The following CUL7 variants were observed in gnomAD, a reference collection of about 807,000 sequenced individuals.
CUL7 encodes cullin-7.
In CUL7, 96 loss-of-function variants were observed where a neutral mutation model predicts 177.7. That is an observed-to-expected ratio of 0.54 (90% CI 0.46 to 0.64). The LOEUF is 0.64. Ranked by LOEUF, CUL7 falls within the 30% of genes least tolerant of loss-of-function variation. The pLI is 0.00. For synonymous variants in CUL7, 824 were observed against 890.2 expected, an observed-to-expected ratio of 0.93 and a Z score of 1.32; for missense variants, 1,893 against 2,187.9, an observed-to-expected ratio of 0.87 and a Z score of 2.69.
intron 10 of CUL7, 67 bp from the exon 11 acceptor site, chr6:43,046,668 A>G (rs769645656): frequency 2.3e-5 from 37 of 1,601,188 alleles, no homozygotes; most frequent in Non-Finnish European, 3.2e-5. Context: ...ACACGGAAAC[A>G]CGGATGAAGG....
At position 43,040,084 on chromosome 6, in the gene CUL7, C is replaced by T; in HGVS notation, c.4294+72G>A. 1 of 1,572,778 alleles carries T rather than the reference C, an allele frequency of 6.4e-7. No homozygotes were observed. Among genetic ancestry groups the T allele is most frequent in the Non-Finnish European group, 8.7e-7 (1 of 1,143,152 alleles). Reference sequence around the variant, plus strand: ...TCAAGCCTCCCAACATCAGGGTCTGCCCCCAACCCCAGGTCCTTTCCTAGC... The same window carrying T: ...TCAAGCCTCCCAACATCAGGGTCTGTCCCCAACCCCAGGTCCTTTCCTAGC... On this transcript the variant is annotated intron_variant, in intron 22 of 25. Coordinates refer to ENST00000265348, the MANE Select transcript of CUL7 (RefSeq NM_014780.5). The surrounding 1 kb of genome is among the most constrained non-coding windows in gnomAD (Gnocchi z 4.2).
At position 43,043,019 on chromosome 6, in the gene CUL7, C is replaced by G; in HGVS notation, c.3463-35G>C. The G allele has an allele frequency of 6.2e-7, 1 of 1,613,526 alleles. No homozygotes were observed. On this transcript the variant is annotated intron_variant, in intron 18 of 25. Transcript: ENST00000265348. This position sits in a 1 kb window ranked among gnomAD's most constrained non-coding sequence, Gnocchi z 4.2. Reference sequence around the variant, plus strand: ...AGGGGCAGGAGCATGAAGACACAACCCAACATGCCACCATTATGGTGTCCC... The same window carrying G: ...AGGGGCAGGAGCATGAAGACACAACGCAACATGCCACCATTATGGTGTCCC...
At position 43,049,472 on chromosome 6, in the gene CUL7, T is replaced by C. The variant is rs1409458980; in HGVS notation, c.1760A>G (p.Glu587Gly). 1.2e-6 allele frequency: 2 copies of C among 1,614,232 alleles called. No individual in the cohort carries two copies. Among genetic ancestry groups the C allele is most frequent in the Non-Finnish European group, 1.7e-6 (2 of 1,180,050 alleles). Residue 587 changes from glutamate to glycine, a missense_variant, in exon 7 of 26, where the codon GAA becomes GGA. By Grantham distance (98) the Glu-to-Gly change is moderately conservative. This residue lies in a region of CUL7 where 973 missense variants were observed against 1,140.9 expected (regional missense o/e 0.85). Transcript: ENST00000265348. ...CTGCGCGTCTAGCAGGAGGACATCTTCTTGGGCTTCTAGAAGGGATGGGTA... is the reference window on the plus strand; with the variant it reads ...CTGCGCGTCTAGCAGGAGGACATCTCCTTGGGCTTCTAGAAGGGATGGGTA... ...QAYPSLLEAQEDVLLLDAQAQ... is the reference protein window; with the variant it reads ...QAYPSLLEAQGDVLLLDAQAQ...
rs1277569620 is a variant in CUL7, at chr6:43,052,504, A to G, written c.285T>C (p.Ser95=). 1.2e-6 allele frequency: 2 copies of G among 1,614,202 alleles called. No homozygotes were observed. Among genetic ancestry groups the G allele is most frequent in the Non-Finnish European group, 1.7e-6 (2 of 1,180,034 alleles). The part of the protein sequence containing the change: ...DGQVIGPSQE[S]AGEVGALDKS... Reference sequence around the variant, plus strand: ...TGTCCAGGGCCCCAACCTCCCCTGCAGACTCCTGGGAGGGCCCGATGACCT... The same window carrying G: ...TGTCCAGGGCCCCAACCTCCCCTGCGGACTCCTGGGAGGGCCCGATGACCT... The change falls in exon 2 of 26, where the codon TCT becomes TCC. Residue 95 remains serine, a synonymous_variant. Coordinates refer to ENST00000265348, the MANE Select transcript of CUL7 (RefSeq NM_014780.5). This position sits in a 1 kb window ranked among gnomAD's most constrained non-coding sequence, Gnocchi z 4.5.
rs1214330020 is a variant in CUL7 at position 43,053,726 on chromosome 6, G to A, written c.-113C>T. The A allele has an allele frequency of 9.6e-6, 14 of 1,456,948 alleles. No individual in the cohort carries two copies. The highest frequency in any genetic ancestry group is 2.9e-5 in the African/African-American group (2 of 68,342). The allele number at this position is 1,456,948 out of a possible 1,614,324, so 90.3% of individuals were successfully genotyped here. ...TGGGCCCCACCTGGGCCCCGCGAGG[G>A]GGTCGAGACGGAGAGACGGGAGGGG... On this transcript the variant is annotated 5_prime_UTR_variant, in exon 1 of 26. Transcript: ENST00000265348. This position sits in a 1 kb window ranked among gnomAD's most constrained non-coding sequence, Gnocchi z 4.1.
intron 9 of CUL7, 67 bp downstream of exon 9, chr6:43,048,081 G>C (rs540924516): frequency 4.1e-6 from 4 of 985,464 alleles, no homozygotes; most frequent in Admixed American, 2.0e-5. Context: ...TTGCCCAGCA[G>C]GTGTGCCTTG....
Position 43,051,223 on chromosome 6 carries a change from G to C in CUL7, c.978C>G (p.Ser326=). The C allele has an allele frequency of 6.2e-7, 1 of 1,614,140 alleles. No homozygotes were observed. The highest frequency in any genetic ancestry group is 8.5e-7 in the Non-Finnish European group (1 of 1,180,024). ...GCTGAGGCTGGAAGATGGAACCGGG[G>C]GACCGTGCTGAGCTCCTTGGTCTGT... ...ASDRPRSSAR[S]PGSIFQPQLA... is the part of the protein sequence containing the mutation. Residue 326 remains serine, a synonymous_variant, in exon 4 of 26, where the codon TCC becomes TCG. Transcript: ENST00000265348. This position sits in a 1 kb window ranked among gnomAD's most constrained non-coding sequence, Gnocchi z 5.0.
At position 43,046,617 on chromosome 6, in the gene CUL7, C is replaced by G. The variant is rs1561885976; in HGVS notation, c.2398-16G>C. 4 of 1,614,088 alleles carry G rather than the reference C, an allele frequency of 2.5e-6. No individual in the cohort carries two copies. The highest frequency in any genetic ancestry group is 2.2e-5 in the East Asian group (1 of 44,880). On this transcript the variant is annotated splice_polypyrimidine_tract_variant and intron_variant, in intron 10 of 25. Coordinates refer to ENST00000265348, the MANE Select transcript of CUL7 (RefSeq NM_014780.5). ...CCAGCACCATCTGCAGCCAGAACAT[C>G]AGAGAGAAGGGGCACAGGGGCAGAA...
Position 43,043,040 on chromosome 6 carries a change from G to A in CUL7, c.3462+34C>T. ...CAACCCAACATGCCACCATTATGGT[G>A]TCCCCTCTCTCCCGCAGGCCTGCTC... On this transcript the variant is annotated intron_variant, in intron 18 of 25. Coordinates refer to ENST00000265348, the MANE Select transcript of CUL7 (RefSeq NM_014780.5). This position sits in a 1 kb window ranked among gnomAD's most constrained non-coding sequence, Gnocchi z 4.2. The A allele has an allele frequency of 6.2e-7, 1 of 1,612,840 alleles. No individual in the cohort carries two copies. Among genetic ancestry groups the A allele is most frequent in the Non-Finnish European group, 8.5e-7 (1 of 1,178,878 alleles).
At position 43,052,067 on chromosome 6, in the gene CUL7, C is replaced by G. The variant is rs1380539305; in HGVS notation, c.580+142G>C. 3 of 1,482,246 alleles carry G rather than the reference C, an allele frequency of 2.0e-6. No homozygotes were observed. The highest frequency in any genetic ancestry group is 2.7e-6 in the Non-Finnish European group (3 of 1,102,482). The allele number at this position is 1,482,246 out of a possible 1,614,324, so 91.8% of individuals were successfully genotyped here. On this transcript the variant is annotated intron_variant, in intron 2 of 25. Coordinates refer to ENST00000265348, the MANE Select transcript of CUL7 (RefSeq NM_014780.5). The surrounding 1 kb of genome is among the most constrained non-coding windows in gnomAD (Gnocchi z 4.5). ...CCACCCTCACTCCCATGCCCACCTC[C>G]TTTTCTTCCAACTCTAAGAGAAGGG...
Position 43,048,329 on chromosome 6 carries a change from C to T in CUL7, c.2063+3G>A. Reference sequence around the variant, plus strand: ...GAGATCCCACCTGTCACCATGCTCTCACCTCAGCACAGTCAGGTGCAGGGT... The same window carrying T: ...GAGATCCCACCTGTCACCATGCTCTTACCTCAGCACAGTCAGGTGCAGGGT... On this transcript the variant is annotated splice_donor_region_variant and intron_variant, in intron 8 of 25. Transcript: ENST00000265348. The T allele has an allele frequency of 6.2e-7, 1 of 1,604,438 alleles. No homozygotes were observed. Among genetic ancestry groups the T allele is most frequent in the Non-Finnish European group, 8.5e-7 (1 of 1,171,080 alleles).
chr6:43,039,696 T>TAAAAAC (rs1436388067), intron 22 of CUL7, among the ~76,000 whole-genome samples: 4 of 147,054 alleles, frequency 2.7e-5, no homozygotes, highest in African/African-American at 9.9e-5. Context: ...CCTGAATCTA[T>TAAAAAC]AAAAACAAAA....
Position 43,038,396 on chromosome 6 carries a change from C to T in CUL7, c.4644G>A (p.Thr1548=), listed in dbSNP as rs374276901. The T allele has an allele frequency of 1.7e-5, 27 of 1,614,058 alleles. No individual in the cohort carries two copies. The highest frequency in any genetic ancestry group is 2.3e-5 in the Non-Finnish European group (27 of 1,180,030). The change falls in exon 25 of 26, where the codon ACG becomes ACA. Residue 1548 remains threonine, a synonymous_variant. Transcript: ENST00000265348. ...WDIVRLIPPQ[T]YLQAEGEDGQ... ...CGTCTTCACCCTCAGCTTGCAGGTACGTCTGAGGTGGGATGAGCCGCACAA... is the reference window on the plus strand; with the variant it reads ...CGTCTTCACCCTCAGCTTGCAGGTATGTCTGAGGTGGGATGAGCCGCACAA...
chr6:43,038,357 C>A lies in CUL7; in HGVS notation c.4683G>T (p.Glu1561Asp), dbSNP rs886061415. The A allele has an allele frequency of 6.2e-7, 1 of 1,614,126 alleles. No individual in the cohort carries two copies. The highest frequency in any genetic ancestry group is 8.5e-7 in the Non-Finnish European group (1 of 1,180,058). Residue 1561 changes from glutamate to aspartate, a missense_variant, in exon 25 of 26, where the codon GAG becomes GAT. Around this residue, in one of 5 missense-constraint regions of CUL7, gnomAD observed 248 missense variants for 262.5 expected, o/e 0.94. Coordinates refer to ENST00000265348, the MANE Select transcript of CUL7 (RefSeq NM_014780.5). ...QAEGEDGQNL[E>D]KRRNLLNCLI... ...GGCAGTTCAGAAGATTCCGTCTCTT[C>A]TCCAAGTTCTGGCCGTCTTCACCCT...
Position 43,050,627 on chromosome 6 carries a change from G to T in CUL7, c.1234-229C>A, listed in dbSNP as rs1191529503. 2.0e-5 allele frequency among the ~76,000 whole-genome samples: 3 copies of T among 149,224 alleles called. No homozygotes were observed. The East Asian group carries it at 5.9e-4, about 30-fold the overall frequency. ...ACACAGGATGCCTTCTCCTTTGGGGGATGGGCCTGTCTCTCCTCTCACCCT... is the reference window on the plus strand; with the variant it reads ...ACACAGGATGCCTTCTCCTTTGGGGTATGGGCCTGTCTCTCCTCTCACCCT... On this transcript the variant is annotated intron_variant, in intron 4 of 25. Transcript: ENST00000265348. This position sits in a 1 kb window ranked among gnomAD's most constrained non-coding sequence, Gnocchi z 4.1.
chr6:43,038,655 A>G lies in CUL7; in HGVS notation c.4478T>C (p.Leu1493Pro), dbSNP rs554617218. ...SVESLLAFSGLSADMLNQAIG... is the reference protein window; with the variant it reads ...SVESLLAFSGPSADMLNQAIG... The stretch of plus-strand genomic sequence containing the variant: ...CGCCTGATTGAGCATGTCTGCGGAG[A>G]GCCCTGAGAACGCCAGCAGACTCTC... Residue 1493 changes from leucine (L) to proline (P), a missense_variant, in exon 24 of 26, where the codon CTC becomes CCC. Coordinates refer to ENST00000265348, the MANE Select transcript of CUL7 (RefSeq NM_014780.5). 17 of 1,613,976 alleles carry G rather than the reference A, an allele frequency of 1.1e-5. No homozygotes were observed. Among genetic ancestry groups the G allele is most frequent in the Non-Finnish European group, 1.4e-5 (16 of 1,179,990 alleles).
Position 43,038,614 on chromosome 6 carries a change from A to G in CUL7, c.4519T>C (p.Ser1507Pro). 3 of 1,614,024 alleles carry G rather than the reference A, an allele frequency of 1.9e-6. No homozygotes were observed. The highest frequency in any genetic ancestry group is 2.5e-6 in the Non-Finnish European group (3 of 1,179,922). The change falls in exon 24 of 26, where the codon TCT becomes CCT. Residue 1507 changes from serine to proline, a missense_variant. Transcript: ENST00000265348. Reference protein sequence around the residue: ...MLNQAIGPLTSSRGPLDLHEQ... With the variant: ...MLNQAIGPLTPSRGPLDLHEQ... ...TGAAGGTCCAGGGGGCCTCTTGAAG[A>G]GGTGAGGGGCCCAATCGCCTGATTG...
At position 43,051,018 on chromosome 6, in the gene CUL7, C is replaced by T. The variant is rs141588000; in HGVS notation, c.1183G>A (p.Gly395Arg). 45 of 1,614,196 alleles carry T rather than the reference C, an allele frequency of 2.8e-5. No individual in the cohort carries two copies. The African/African-American group carries it at 4.3e-4, about 15-fold the overall frequency. ...CTCTGCCGAAACTCGCCCTCATCCC[C>T]GGCACTGATCTCCTCATAATCATCC... ...MLDDYEEISA[G>R]DEGEFRQSNN... Residue 395 changes from glycine (G) to arginine (R), a missense_variant, in exon 4 of 26, where the codon GGG (glycine) becomes AGG (arginine). Transcript: ENST00000265348. The surrounding 1 kb of genome is among the most constrained non-coding windows in gnomAD (Gnocchi z 5.0).
rs1764350583 is a variant in CUL7 at position 43,051,021 on chromosome 6, C to T, written c.1180G>A (p.Ala394Thr). 6.2e-7 allele frequency: 1 copy of T among 1,614,206 alleles called. No individual in the cohort carries two copies. The change falls in exon 4 of 26, where the codon GCC (alanine) becomes ACC (threonine). Residue 394 changes from alanine (A) to threonine (T), a missense_variant. Physicochemically the swap from Ala to Thr is moderately conservative, Grantham distance 58. Transcript: ENST00000265348. This position sits in a 1 kb window ranked among gnomAD's most constrained non-coding sequence, Gnocchi z 5.0. ...TGCCGAAACTCGCCCTCATCCCCGG[C>T]ACTGATCTCCTCATAATCATCCAGC... Reference protein sequence around the residue: ...RMLDDYEEISAGDEGEFRQSN... With the variant: ...RMLDDYEEISTGDEGEFRQSN...
Sources: allele counts gnomAD v4.1 joint callset (sites outside exome capture counted in the v4.1 genomes callset), GRCh38; gene constraint gnomAD v4.1.1; regional missense constraint gnomAD v4.1.1; non-coding constraint Gnocchi (gnomAD v3.1); transcripts MANE v1.5; gene names NCBI Gene and HGNC (gene_info 2026-07-23, HGNC 2026-07-21).